The following DHX30 variants were observed in gnomAD, a reference collection of about 807,000 sequenced individuals.
The protein encoded by DHX30 is ATP-dependent RNA helicase DHX30.
A neutral mutation model predicts 116.9 loss-of-function variants in DHX30; 4 were observed. The observed-to-expected ratio is 0.03, with a 90% CI of 0.02 to 0.08. The LOEUF is 0.08. Among genes scored for constraint, DHX30 ranks in the 10% least tolerant of loss-of-function variants. DHX30 has a pLI of 1.00. For missense variants in DHX30, 871 were observed against 1,595.1 expected (o/e 0.55, Z 7.73); for synonymous variants, 697 against 651.7 (o/e 1.07, Z -1.06).
intron 3 of DHX30, among the ~76,000 whole-genome samples, chr3:47,814,770 T>C (rs2035973791): frequency 6.6e-6 from 1 of 152,172 alleles, no homozygotes. Context: ...TCCACCCGCC[T>C]TGGCCTCCTA....
rs1576451498 is a variant in DHX30 at position 47,804,225 on chromosome 3, CTCT to C, written c.-123+1016_-123+1018del. ...GCTCTTTATCCCTAAAAGATAGTTGCTCTTCAAGTGTTTTAATTTATGTAGCTG... is the reference window on the plus strand; with the variant it reads ...GCTCTTTATCCCTAAAAGATAGTTGCTCAAGTGTTTTAATTTATGTAGCTG... On this transcript the variant is annotated intron_variant, in intron 1 of 21. Coordinates refer to ENST00000445061, the MANE Select transcript of DHX30 (RefSeq NM_138615.3). 2.6e-5 allele frequency among the ~76,000 whole-genome samples: 4 copies of C among 152,274 alleles called. No homozygotes were observed. In the South Asian group the frequency reaches 8.3e-4, roughly 32 times the overall value.
intron 6 of DHX30, among the ~76,000 whole-genome samples, chr3:47,834,699 A>G (rs763201508): frequency 1.1e-4 from 17 of 152,056 alleles, no homozygotes; most frequent in Non-Finnish European, 1.9e-4. Context: ...AGCTCAAGCA[A>G]TCCACCTGTC....
In DHX30 at chr3:47,806,556, C is replaced by T. The variant is rs1020566225; in HGVS notation, c.-28+1136C>T. On this transcript the variant is annotated intron_variant, in intron 2 of 21. Transcript: ENST00000445061. ...CGCCTCCCGGGTTCAAGCGATTCTT[C>T]TGTCTCAGCCTCCTGAGTAGCTGGG... is the stretch of plus-strand genomic sequence containing the variant. 8.6e-5 allele frequency among the ~76,000 whole-genome samples: 13 copies of T among 151,916 alleles called. 1 individual carries two copies. Among genetic ancestry groups the T allele is most frequent in the Non-Finnish European group, 1.8e-4 (12 of 67,996 alleles).
At chr3:47,820,641 A>G (rs1327713028) in intron 4 of DHX30, among the ~76,000 whole-genome samples, 1 of 152,064 alleles carries the variant, frequency 6.6e-6, no homozygotes, top group Admixed American at 6.6e-5. Flanking sequence ...TCCAAAGTAT[A>G]GGTTCCTAAA....
chr3:47,817,278 T>C (rs1048809069), intron 3 of DHX30, among the ~76,000 whole-genome samples: 1 of 152,212 alleles, frequency 6.6e-6, no homozygotes, highest in Non-Finnish European at 1.5e-5. Context: ...ACCTTAAGCC[T>C]TCCTTACCCA....
At chr3:47,843,573 G>A (rs759638058) in intron 9 of DHX30, among the ~76,000 whole-genome samples, 2 of 152,218 alleles carry the variant, frequency 1.3e-5, no homozygotes, top group Non-Finnish European at 2.9e-5. Flanking sequence ...TGTTTTGAGA[G>A]GCAGACCTGG....
intron 5 of DHX30, among the ~76,000 whole-genome samples, chr3:47,827,902 A>G (rs996724640): frequency 6.6e-6 from 1 of 152,110 alleles, no homozygotes; most frequent in Non-Finnish European, 1.5e-5. Flanking sequence ...TCTGTCACCC[A>G]GGCTGGAGTG....
At chr3:47,825,194 A>T in intron 4 of DHX30, 1 of 657,290 alleles carries the variant, frequency 1.5e-6, no homozygotes, top group Non-Finnish European at 2.7e-6. Flanking sequence ...GCCGAGGCCG[A>T]GTCAGGGATG....
chr3:47,850,041 G>A lies in DHX30; in HGVS notation c.3506G>A (p.Gly1169Glu). The A allele has an allele frequency of 3.1e-6, 5 of 1,604,956 alleles. No homozygotes were observed. The highest frequency in any genetic ancestry group is 4.2e-6 in the Non-Finnish European group (5 of 1,177,044). Reference protein sequence around the residue: ...ALPPSVQEEHGQLLALLAELL... With the variant: ...ALPPSVQEEHEQLLALLAELL... ...CCCCCCAGCGTACAGGAGGAGCACG[G>A]GCAGCTGCTTGCGCTACTGGCAGAG... The change falls in exon 22 of 22, where the codon GGG becomes GAG. Residue 1169 changes from glycine to glutamate, a missense_variant. Physicochemically the swap from Gly to Glu is moderately conservative, Grantham distance 98. Transcript: ENST00000445061.
chr3:47,848,101 G>A lies in DHX30; in HGVS notation c.2287-79G>A, dbSNP rs1389097695. 1.9e-6 allele frequency: 3 copies of A among 1,590,066 alleles called. No individual in the cohort carries two copies. Among genetic ancestry groups the A allele is most frequent in the Non-Finnish European group, 2.6e-6 (3 of 1,162,088 alleles). ...GGTCTCAGTGTTCCTGATGTAGGGG[G>A]CTGGTGAGGGTTACTCAGGGAGTGG... On this transcript the variant is annotated intron_variant, in intron 14 of 21. Transcript: ENST00000445061. The surrounding 1 kb of genome is among the most constrained non-coding windows in gnomAD (Gnocchi z 9.4).
Position 47,846,242 on chromosome 3 carries a change from A to C in DHX30, c.1170A>C (p.Ser390=), listed in dbSNP as rs1224549568. 1 of 1,614,184 alleles carries C rather than the reference A, an allele frequency of 6.2e-7. No individual in the cohort carries two copies. The highest frequency in any genetic ancestry group is 8.5e-7 in the Non-Finnish European group (1 of 1,180,020). ...SDDILPLGKD[S]GPLSDPITGK... ...ACATCTTGCCCTTGGGCAAGGACTC[A>C]GGGCCTCTGAGTGACCCTATCACAG... Residue 390 remains serine (S), a synonymous_variant, in exon 11 of 22, where the codon TCA becomes TCC. Transcript: ENST00000445061.
At chr3:47,840,777 C>T (rs1033970678) in intron 6 of DHX30, 100 bp from the exon 7 acceptor site, 12 of 1,475,356 alleles carry the variant, frequency 8.1e-6, no homozygotes, top group African/African-American at 5.6e-5. Context: ...TGAAAAACCA[C>T]GGCTGCACAA....
At chr3:47,838,866 CTTGTTTGTTTGT>C (rs757966197) in intron 6 of DHX30, among the ~76,000 whole-genome samples, 1 of 152,088 alleles carries the variant, frequency 6.6e-6, no homozygotes, top group Non-Finnish European at 1.5e-5. Context: ...GCTTAGATTC[CTTGTTTGTTTGT>C]TTGTTTGTTT....
chr3:47,841,826 G>T (rs1166305289), intron 8 of DHX30, 89 bp downstream of exon 8: 16 of 1,586,344 alleles, frequency 1.0e-5, no homozygotes, highest in Non-Finnish European at 1.3e-5. Flanking sequence ...GAGGGCTGAG[G>T]GGGTGTGTTC....
At position 47,803,197 on chromosome 3, in the gene DHX30, A is replaced by T; in HGVS notation, c.-138A>T. On this transcript the variant is annotated 5_prime_UTR_variant, in exon 1 of 22. Coordinates refer to ENST00000445061, the MANE Select transcript of DHX30 (RefSeq NM_138615.3). Reference sequence around the variant, plus strand: ...TGCGCGGTGCACAGAGGCTTGTTTCACATCTGTAACAACAGGTGAATTGGG... The same window carrying T: ...TGCGCGGTGCACAGAGGCTTGTTTCTCATCTGTAACAACAGGTGAATTGGG... The T allele has an allele frequency of 2.5e-6, 1 of 393,684 alleles. No homozygotes were observed. The highest frequency in any genetic ancestry group is 4.5e-6 in the Non-Finnish European group (1 of 222,770). The allele number at this position is 393,684 out of a possible 1,614,324, so 24.4% of individuals were successfully genotyped here.
At chr3:47,841,802 A>G (rs567490969) in intron 8 of DHX30, 65 bp downstream of exon 8, 13 of 1,612,114 alleles carry the variant, frequency 8.1e-6, no homozygotes, top group Middle Eastern at 1.7e-4. Flanking sequence ...GTGTTCCCTA[A>G]AGGCAGGTTT....
At chr3:47,842,092 CTT>C (rs2037401178) in intron 8 of DHX30, 2 of 211,484 alleles carry the variant, frequency 9.5e-6, no homozygotes, top group Non-Finnish European at 1.9e-5. Context: ...CTTGTTTTTA[CTT>C]TAACTCGTTG....
At position 47,847,663 on chromosome 3, in the gene DHX30, TA is replaced by T; in HGVS notation, c.2111-117del. The stretch of plus-strand genomic sequence containing the variant: ...AAGCTGTGGCACTTTTCACTGGGCA[TA>T]GTGTTTATCTGCGCCTGTTTCATCA... On this transcript the variant is annotated intron_variant, in intron 13 of 21. Coordinates refer to ENST00000445061, the MANE Select transcript of DHX30 (RefSeq NM_138615.3). The surrounding 1 kb of genome is among the most constrained non-coding windows in gnomAD (Gnocchi z 5.5). The T allele has an allele frequency of 6.8e-7, 1 of 1,464,630 alleles. No homozygotes were observed. Among genetic ancestry groups the T allele is most frequent in the Non-Finnish European group, 9.2e-7 (1 of 1,088,814 alleles). The allele number at this position is 1,464,630 out of a possible 1,614,324, so 90.7% of individuals were successfully genotyped here.
chr3:47,825,061 A>G (rs1235271173), intron 4 of DHX30: 3 of 664,772 alleles, frequency 4.5e-6, no homozygotes, highest in African/African-American at 1.9e-5. Flanking sequence ...TAGGAGACTC[A>G]TGGCGCTGGC....
Sources: allele counts gnomAD v4.1 joint callset (sites outside exome capture counted in the v4.1 genomes callset), GRCh38; gene constraint gnomAD v4.1.1; non-coding constraint Gnocchi (gnomAD v3.1); transcripts MANE v1.5; gene names NCBI Gene and HGNC (gene_info 2026-07-23, HGNC 2026-07-21).